ANKRD36C: variants seen among roughly 807,000 people sequenced by gnomAD.
The protein encoded by ANKRD36C is ankyrin repeat domain-containing protein 36C.
In ANKRD36C, 61 loss-of-function variants were observed where a neutral mutation model predicts 276.4. The observed-to-expected ratio is 0.22, with a 90% CI of 0.18 to 0.27. ANKRD36C has a LOEUF of 0.27. Among genes scored for constraint, ANKRD36C ranks in the 10% least tolerant of loss-of-function variants. ANKRD36C has a pLI of 1.00. For synonymous variants in ANKRD36C, 483 were observed against 680.1 expected, an observed-to-expected ratio of 0.71 and a Z score of 4.51; for missense variants, 1,447 against 2,032.3, an observed-to-expected ratio of 0.71 and a Z score of 5.54.
At chr2:95,872,696 A>G (rs1675843362) in intron 59 of ANKRD36C, among the ~76,000 whole-genome samples, 1 of 152,126 alleles carries the variant, frequency 6.6e-6, no homozygotes, top group Non-Finnish European at 1.5e-5. Flanking sequence ...TAGAGACACA[A>G]AAAACCCTTC....
rs374935697 is a variant in ANKRD36C, at chr2:95,910,984, C to T, written c.2653+1260G>A. On this transcript the variant is annotated intron_variant, in intron 42 of 66. Coordinates refer to ENST00000456556, the Ensembl canonical transcript of ANKRD36C. ...AGGATTTACACCATTATACTACAAA[C>T]ATTCATCATGCTCTTTAACTTGCCC... is the stretch of plus-strand genomic sequence containing the variant. 3.3e-5 allele frequency among the ~76,000 whole-genome samples: 5 copies of T among 151,442 alleles called. No individual in the cohort carries two copies. In the East Asian group the frequency reaches 6.0e-4, roughly 18 times the overall value.
intron 46 of ANKRD36C, 139 bp downstream of exon 66, chr2:95,891,526 A>T: frequency 8.3e-7 from 1 of 1,206,806 alleles, no homozygotes; most frequent in Non-Finnish European, 1.1e-6. Context: ...ATCACCCAAG[A>T]ACTTATTTGA....
intron 26 of ANKRD36C, among the ~76,000 whole-genome samples, chr2:95,928,834 C>A (rs1677481889): frequency 6.6e-6 from 1 of 151,504 alleles, no homozygotes; most frequent in Non-Finnish European, 1.5e-5. Context: ...TGTTGAACTT[C>A]TCTCCAATGG....
intron 61 of ANKRD36C, among the ~76,000 whole-genome samples, chr2:95,858,295 C>T (rs1207032868): frequency 6.6e-6 from 1 of 152,168 alleles, no homozygotes; most frequent in Non-Finnish European, 1.5e-5. Context: ...GAAAATAAAA[C>T]ATTCGTATGT....
intron 6 of ANKRD36C, among the ~76,000 whole-genome samples, chr2:95,965,923 T>A (rs1054312895): frequency 1.3e-5 from 2 of 152,148 alleles, no homozygotes; most frequent in Non-Finnish European, 2.9e-5. Context: ...AAGAGGTTTT[T>A]AATGTGCATT....
At chr2:95,897,889 T>C (rs1337031601) in intron 44 of ANKRD36C, among the ~76,000 whole-genome samples, 1 of 105,094 alleles carries the variant, frequency 9.5e-6, no homozygotes, top group Non-Finnish European at 2.0e-5. Flanking sequence ...ACATTCATCG[T>C]GCTCTTTAAC....
chr2:95,978,687 T>C (rs1678859863), intron 5 of ANKRD36C, among the ~76,000 whole-genome samples: 1 of 152,080 alleles, frequency 6.6e-6, no homozygotes, highest in Admixed American at 6.6e-5. Flanking sequence ...TGTGTATTTT[T>C]TCATAGGTTC....
chr2:95,919,565 A>C (rs1677208312), intron 34 of ANKRD36C, among the ~76,000 whole-genome samples, 168 bp downstream of exon 36: 1 of 132,234 alleles, frequency 7.6e-6, no homozygotes, highest in Non-Finnish European at 1.7e-5. Context: ...GGCCAACAGC[A>C]TTAGCGTCTC....
intron 57 of ANKRD36C, 21 bp downstream of exon 77, chr2:95,880,574 T>C: frequency 6.5e-7 from 1 of 1,534,286 alleles, no homozygotes; most frequent in Middle Eastern, 1.8e-4. Context: ...TAATTAAAAA[T>C]ATAAATGTAA....
At chr2:95,893,302 C>T (rs1284577006) in intron 44 of ANKRD36C, among the ~76,000 whole-genome samples, 2 of 151,050 alleles carry the variant, frequency 1.3e-5, no homozygotes, top group African/African-American at 2.4e-5. Flanking sequence ...CAACTGCTCT[C>T]CATATATCTT....
At chr2:95,959,049 A>T (rs1678395790) in intron 10 of ANKRD36C, among the ~76,000 whole-genome samples, 1 of 152,292 alleles carries the variant, frequency 6.6e-6, no homozygotes. Flanking sequence ...CAGTGTCTAT[A>T]TCAATGTGGA....
At chr2:95,918,538 A>C (rs190536217) in intron 34 of ANKRD36C, among the ~76,000 whole-genome samples, 1 of 151,776 alleles carries the variant, frequency 6.6e-6, no homozygotes, top group Non-Finnish European at 1.5e-5. Context: ...TACACTTCAC[A>C]TCCCTTCAGT....
chr2:95,891,312 A>G (rs560329935), intron 46 of ANKRD36C, among the ~76,000 whole-genome samples: 114 of 151,514 alleles, frequency 7.5e-4, no homozygotes, highest in African/African-American at 1.0e-3. Context: ...TTGGCAGTAC[A>G]ATCTGAAGTG....
intron 46 of ANKRD36C, among the ~76,000 whole-genome samples, chr2:95,890,398 T>C (rs566991039): frequency 6.6e-6 from 1 of 151,616 alleles, no homozygotes; most frequent in African/African-American, 2.4e-5. Flanking sequence ...TACACAATTA[T>C]AGTACAAACA....
chr2:95,908,348 T>G (rs1234005600), intron 42 of ANKRD36C, among the ~76,000 whole-genome samples, 154 bp downstream of exon 48: 1 of 151,016 alleles, frequency 6.6e-6, no homozygotes, highest in Non-Finnish European at 1.5e-5. Context: ...ACCAGCAGCA[T>G]CATCATCACC....
At chr2:95,958,269 G>A (rs1334876385) in intron 12 of ANKRD36C, among the ~76,000 whole-genome samples, 5 of 151,854 alleles carry the variant, frequency 3.3e-5, no homozygotes, top group African/African-American at 1.2e-4. Flanking sequence ...ACTTCATCTT[G>A]TTCTCCTTCC....
rs56964568 is a variant in ANKRD36C, at chr2:95,946,156, GAAAAAAAA to G, written c.1363-990_1363-983del. On this transcript the variant is annotated intron_variant, in intron 17 of 66. Transcript: ENST00000456556. ...AACAGAGAGAGAGAGACAGAGAGAGGAAAAAAAAAAAAAAAAAAAAAACAATAAAATTC... is the reference window on the plus strand; with the variant it reads ...AACAGAGAGAGAGAGACAGAGAGAGGAAAAAAAAAAAAAACAATAAAATTC... 2.5e-4 allele frequency among the ~76,000 whole-genome samples: 18 copies of G among 73,302 alleles called. 1 individual carries two copies. The highest frequency in any genetic ancestry group is 1.2e-3 in the Admixed American group (7 of 5,720). The allele number at this position is 73,302 out of a possible 152,430, so 48.1% of individuals were successfully genotyped here.
intron 12 of ANKRD36C, among the ~76,000 whole-genome samples, chr2:95,957,213 C>A (rs1678348046): frequency 6.6e-6 from 1 of 152,310 alleles, no homozygotes; most frequent in South Asian, 2.1e-4. Context: ...ACTCAGGAGA[C>A]TGAGACAGGA....
chr2:95,976,194 G>A (rs1678806050), intron 6 of ANKRD36C, among the ~76,000 whole-genome samples: 1 of 152,208 alleles, frequency 6.6e-6, no homozygotes, highest in South Asian at 2.1e-4. Flanking sequence ...CTGTAAACTA[G>A]TTCAACCATT....
Sources: gnomAD v4.1 joint callset for allele counts (sites outside exome capture counted in the v4.1 genomes callset) on GRCh38, gnomAD v4.1.1 for gene constraint, MANE v1.5 for transcripts, NCBI Gene and HGNC (gene_info 2026-07-23, HGNC 2026-07-21) for gene names.